The following EPHA6 variants were observed in gnomAD, a reference collection of about 807,000 sequenced individuals.
EPHA6 encodes ephrin type-A receptor 6.
EPHA6 carries 50 observed loss-of-function variants against 112.0 expected under a neutral mutation model. The ratio of observed to expected loss-of-function variants is 0.45; its 90% CI spans 0.36 to 0.56. The LOEUF is 0.56. Ranked by LOEUF, EPHA6 falls within the 20% of genes least tolerant of loss-of-function variation. The probability of loss-of-function intolerance (pLI) is 0.00; values close to 1 mark genes in which losing one functional copy is unlikely to be tolerated. For synonymous variants in EPHA6, 529 were observed against 490.7 expected (o/e 1.08, Z -1.03); for missense variants, 1,280 against 1,417.4 (o/e 0.90, Z 1.56).
Position 96,907,371 on chromosome 3 carries a change from A to G in EPHA6, c.450+40482A>G, listed in dbSNP as rs1032895269. Among the ~76,000 whole-genome samples the G allele has an allele frequency of 3.3e-5, 5 of 151,916 alleles. No individual in the cohort carries two copies. In the East Asian group the frequency reaches 9.7e-4, roughly 29 times the overall value. ...TTTATTTCTTTTGATTATTCTGATT[A>G]TCTGTTCATTATGATTATAGAAAAC... On this transcript the variant is annotated intron_variant, in intron 2 of 17. Transcript: ENST00000389672.
intron 5 of EPHA6, among the ~76,000 whole-genome samples, chr3:97,353,058 A>C (rs533246027): frequency 6.6e-6 from 1 of 152,172 alleles, no homozygotes; most frequent in South Asian, 2.1e-4. Flanking sequence ...AAGGAATCCC[A>C]CTGCCTTGAA....
intron 15 of EPHA6, among the ~76,000 whole-genome samples, chr3:97,730,960 C>T (rs748228524): frequency 2.0e-5 from 3 of 152,078 alleles, no homozygotes; most frequent in African/African-American, 7.2e-5. Flanking sequence ...GAGCCAGGCA[C>T]ATGGTGAGCC....
At chr3:97,400,577 A>G (rs758180260) in intron 5 of EPHA6, among the ~76,000 whole-genome samples, 6 of 151,522 alleles carry the variant, frequency 4.0e-5, no homozygotes, top group Middle Eastern at 3.4e-3. Flanking sequence ...CTTTACATTT[A>G]TTTGTTTCCT....
At chr3:97,521,923 CAAAAAAAA>C (rs754123519) in intron 10 of EPHA6, among the ~76,000 whole-genome samples, 4 of 87,968 alleles carry the variant, frequency 4.5e-5, no homozygotes, top group South Asian at 4.3e-4. Flanking sequence ...GAGCCTTTTT[CAAAAAAAA>C]AAAAAAAAAA....
intron 6 of EPHA6, among the ~76,000 whole-genome samples, chr3:97,418,790 G>A (rs570941593): frequency 6.6e-6 from 1 of 152,142 alleles, no homozygotes; most frequent in South Asian, 2.1e-4. Context: ...GTATAAAATA[G>A]TATCTTTCAA....
At chr3:97,184,894 C>A (rs1283311641) in intron 3 of EPHA6, among the ~76,000 whole-genome samples, 1 of 152,068 alleles carries the variant, frequency 6.6e-6, no homozygotes, top group Non-Finnish European at 1.5e-5. Flanking sequence ...AGAACAGAAT[C>A]CTCAGAAATA....
intron 2 of EPHA6, among the ~76,000 whole-genome samples, chr3:96,954,773 C>CTTTTTTTTTTTTTTTTTTT (rs10612575): frequency 4.1e-5 from 3 of 72,646 alleles, no homozygotes; most frequent in African/African-American, 1.7e-4. Flanking sequence ...ACTGGTGTGC[C>CTTTTTTTTTTTTTTTTTTT]TTTTTTTTTT....
rs540841587 is a variant in EPHA6, at chr3:97,544,150, A to G, written c.2386+11607A>G. On this transcript the variant is annotated intron_variant, in intron 11 of 17. Transcript: ENST00000389672. ...TATATTGAATAGGAGTGGTGAGAGAAGGCATCCCTGTCTTGTGCCCATTTT... is the reference window on the plus strand; with the variant it reads ...TATATTGAATAGGAGTGGTGAGAGAGGGCATCCCTGTCTTGTGCCCATTTT... Among the ~76,000 whole-genome samples the G allele has an allele frequency of 1.2e-4, 18 of 152,208 alleles. No individual in the cohort carries two copies. The East Asian group carries it at 2.1e-3, about 18-fold the overall frequency.
At chr3:96,904,855 A>G (rs1043281487) in intron 2 of EPHA6, among the ~76,000 whole-genome samples, 2 of 152,162 alleles carry the variant, frequency 1.3e-5, no homozygotes, top group Non-Finnish European at 2.9e-5. Flanking sequence ...AAAATTAGCT[A>G]TCAAATAAAT....
chr3:96,972,871 C>A (rs2042371467), intron 2 of EPHA6, among the ~76,000 whole-genome samples: 1 of 152,076 alleles, frequency 6.6e-6, no homozygotes, highest in African/African-American at 2.4e-5. Flanking sequence ...GTTTATATTT[C>A]TTTGAATTCT....
intron 14 of EPHA6, among the ~76,000 whole-genome samples, chr3:97,685,939 A>T (rs2032215315): frequency 1.3e-5 from 2 of 152,160 alleles, no homozygotes; most frequent in Admixed American, 6.5e-5. Flanking sequence ...CCTTTGATGT[A>T]AATTTTTTGG....
Position 97,248,538 on chromosome 3 carries a change from G to A in EPHA6, c.1606+4251G>A, listed in dbSNP as rs547364348. On this transcript the variant is annotated intron_variant, in intron 5 of 17. Transcript: ENST00000389672. ...AACCTTTAGGGACCATGTTCAAAGTGAAAGACATGGTAAATTACAAACCAA... is the reference window on the plus strand; with the variant it reads ...AACCTTTAGGGACCATGTTCAAAGTAAAAGACATGGTAAATTACAAACCAA... Among the ~76,000 whole-genome samples the A allele has an allele frequency of 4.6e-5, 7 of 152,196 alleles. No homozygotes were observed. In the East Asian group the frequency reaches 9.6e-4, roughly 21 times the overall value.
intron 5 of EPHA6, among the ~76,000 whole-genome samples, chr3:97,371,217 T>G (rs1395942282): frequency 1.3e-5 from 2 of 152,184 alleles, no homozygotes; most frequent in Non-Finnish European, 2.9e-5. Context: ...TTTTTAAATT[T>G]ACTTCTTAAA....
At chr3:97,624,069 T>C (rs542788533) in intron 13 of EPHA6, among the ~76,000 whole-genome samples, 11 of 151,854 alleles carry the variant, frequency 7.2e-5, no homozygotes, top group African/African-American at 2.6e-4. Flanking sequence ...CTGTTAGTTA[T>C]GTTGAATCGA....
At chr3:96,939,833 T>A (rs2040832253) in intron 2 of EPHA6, among the ~76,000 whole-genome samples, 1 of 152,224 alleles carries the variant, frequency 6.6e-6, no homozygotes, top group African/African-American at 2.4e-5. Context: ...AAAGAACATC[T>A]TTATTTCTGC....
intron 3 of EPHA6, among the ~76,000 whole-genome samples, chr3:97,163,818 C>A (rs1286826286): frequency 2.0e-5 from 3 of 152,162 alleles, no homozygotes; most frequent in African/African-American, 7.2e-5. Context: ...CCACATGGCC[C>A]CAATTTACAG....
chr3:97,272,471 G>A (rs1305479777), intron 5 of EPHA6, among the ~76,000 whole-genome samples: 10 of 152,092 alleles, frequency 6.6e-5, no homozygotes, highest in East Asian at 5.8e-4. Flanking sequence ...TTTCACTTGC[G>A]TCCGTGTGAA....
intron 2 of EPHA6, among the ~76,000 whole-genome samples, chr3:96,902,242 C>A (rs2038653834): frequency 6.6e-6 from 1 of 152,108 alleles, no homozygotes; most frequent in Non-Finnish European, 1.5e-5. Context: ...AATTTTAAAG[C>A]AATGTATCAT....
intron 12 of EPHA6, among the ~76,000 whole-genome samples, chr3:97,607,084 C>T (rs1430891683): frequency 2.0e-5 from 3 of 150,020 alleles, no homozygotes; most frequent in African/African-American, 7.3e-5. Context: ...TTAGAAATTG[C>T]CAAACTAATA....
Sources: allele counts gnomAD v4.1 joint callset (sites outside exome capture counted in the v4.1 genomes callset), GRCh38; gene constraint gnomAD v4.1.1; transcripts MANE v1.5; gene names NCBI Gene and HGNC (gene_info 2026-07-23, HGNC 2026-07-21).